PLA2G7: variants seen among roughly 807,000 people sequenced by gnomAD.
The protein encoded by PLA2G7 is phospholipase A2 group VII.
PLA2G7 carries 63 observed loss-of-function variants against 49.6 expected under a neutral mutation model. That is an observed-to-expected ratio of 1.27 (90% CI 1.04 to 1.57). PLA2G7 has a LOEUF of 1.57. Among genes scored for constraint, PLA2G7 ranks in the 40% most tolerant of loss-of-function variants. The pLI is 0.00. For synonymous variants in PLA2G7, 193 were observed against 169.9 expected (o/e 1.14, Z -1.06); for missense variants, 596 against 521.2 (o/e 1.14, Z -1.40).
At chr6:46,714,681 G>T (rs1396246091) in intron 4 of PLA2G7, 128 bp from the exon 5 acceptor site, 1 of 684,080 alleles carries the variant, frequency 1.5e-6, no homozygotes, top group Non-Finnish European at 2.7e-6. Flanking sequence ...ATGAATAGTA[G>T]ATTCATTAAA....
chr6:46,722,239 T>TGG, intron 2 of PLA2G7, among the ~76,000 whole-genome samples: 1 of 152,330 alleles, frequency 6.6e-6, no homozygotes, highest in Admixed American at 6.5e-5. Flanking sequence ...TGGAACTCCC[T>TGG]AGCACCTACT....
intron 1 of PLA2G7, among the ~76,000 whole-genome samples, chr6:46,727,647 G>A (rs1765613544): frequency 1.3e-5 from 2 of 152,132 alleles, no homozygotes; most frequent in South Asian, 2.1e-4. Context: ...CTTAAAATAG[G>A]GAGATTATCA....
intron 1 of PLA2G7, among the ~76,000 whole-genome samples, chr6:46,732,830 C>A (rs1458698493): frequency 2.6e-5 from 4 of 152,150 alleles, no homozygotes; most frequent in Non-Finnish European, 2.9e-5. Context: ...AGTAAGAACC[C>A]AGAATCATAT....
At chr6:46,732,282 T>A (rs1237910238) in intron 1 of PLA2G7, among the ~76,000 whole-genome samples, 1 of 151,884 alleles carries the variant, frequency 6.6e-6, no homozygotes. Context: ...TTCCTGAGGT[T>A]TCATCTCCAG....
At chr6:46,731,506 G>A (rs1765734179) in intron 1 of PLA2G7, among the ~76,000 whole-genome samples, 2 of 151,910 alleles carry the variant, frequency 1.3e-5, no homozygotes, top group African/African-American at 4.8e-5. Context: ...TTCAACTTTT[G>A]AAATTAAGCC....
At chr6:46,705,626 G>A (rs934346068) in intron 10 of PLA2G7, among the ~76,000 whole-genome samples, 5 of 152,184 alleles carry the variant, frequency 3.3e-5, no homozygotes, top group African/African-American at 1.2e-4. Flanking sequence ...GTTCTGTATT[G>A]AAGGGTCCCT....
chr6:46,705,910 C>A (rs1764807288), intron 10 of PLA2G7, among the ~76,000 whole-genome samples: 1 of 152,156 alleles, frequency 6.6e-6, no homozygotes, highest in Non-Finnish European at 1.5e-5. Context: ...GGCCTTCTTG[C>A]ACTTTTTTTC....
chr6:46,709,523 T>C (rs1036509426), intron 8 of PLA2G7, 105 bp from the exon 9 acceptor site: 8 of 723,918 alleles, frequency 1.1e-5, no homozygotes, highest in South Asian at 1.5e-5. Flanking sequence ...GTTAAATACA[T>C]TGATTTCTTA....
rs1764708087 is a variant in PLA2G7, at chr6:46,704,293, T to C, written c.*267A>G. The C allele has an allele frequency of 5.7e-6, 2 of 353,566 alleles. No individual in the cohort carries two copies. The highest frequency in any genetic ancestry group is 8.1e-5 in the South Asian group (2 of 24,680). The allele number at this position is 353,566 out of a possible 1,614,324, so 21.9% of individuals were successfully genotyped here. ...TTCGACACTGAAAAGGAATCATCTT[T>C]AAAATTAAAATTTAGGCTGATATGA... On this transcript the variant is annotated 3_prime_UTR_variant, in exon 12 of 12. Coordinates refer to ENST00000274793, the MANE Select transcript of PLA2G7 (RefSeq NM_005084.4).
intron 1 of PLA2G7, among the ~76,000 whole-genome samples, chr6:46,731,868 C>T (rs1436705820): frequency 6.6e-6 from 1 of 152,052 alleles, no homozygotes; most frequent in Non-Finnish European, 1.5e-5. Flanking sequence ...ATTAACTTCC[C>T]ACTGTAACTC....
intron 1 of PLA2G7, among the ~76,000 whole-genome samples, chr6:46,723,272 T>C (rs992269615): frequency 6.6e-6 from 1 of 152,230 alleles, no homozygotes; most frequent in African/African-American, 2.4e-5. Context: ...GTCATCATCA[T>C]AATAATATCC....
At chr6:46,731,829 T>C (rs1170111440) in intron 1 of PLA2G7, among the ~76,000 whole-genome samples, 1 of 152,180 alleles carries the variant, frequency 6.6e-6, no homozygotes, top group Non-Finnish European at 1.5e-5. Context: ...ATTCCCATTT[T>C]GTAGATGGGA....
chr6:46,706,929 A>G (rs908227585), intron 10 of PLA2G7, among the ~76,000 whole-genome samples: 1 of 152,172 alleles, frequency 6.6e-6, no homozygotes, highest in African/African-American at 2.4e-5. Flanking sequence ...TTCTGTTGGA[A>G]GAGACCCCTC....
At chr6:46,728,340 G>C (rs896069708) in intron 1 of PLA2G7, among the ~76,000 whole-genome samples, 1 of 152,186 alleles carries the variant, frequency 6.6e-6, no homozygotes, top group Non-Finnish European at 1.5e-5. Flanking sequence ...CTAGTGAGTA[G>C]CAGTCAGGGA....
In PLA2G7 at chr6:46,728,272, T is replaced by A. The variant is rs45601535; in HGVS notation, c.-34-5347A>T. On this transcript the variant is annotated intron_variant, in intron 1 of 11. Coordinates refer to ENST00000274793, the MANE Select transcript of PLA2G7 (RefSeq NM_005084.4). ...CATTTTTGCCCCCCAAGAAGACACT[T>A]ATTAATGTCTGGAGATATTTTTGGT... Among the ~76,000 whole-genome samples, 729 of 152,306 alleles carry A rather than the reference T, an allele frequency of 4.8e-3. 3 individuals are homozygous for A. Among genetic ancestry groups the A allele is most frequent in the Non-Finnish European group, 7.1e-3 (482 of 68,018 alleles).
chr6:46,732,801 T>G (rs1243655863), intron 1 of PLA2G7, among the ~76,000 whole-genome samples: 2 of 152,216 alleles, frequency 1.3e-5, no homozygotes, highest in African/African-American at 2.4e-5. Flanking sequence ...AACAGGTGGC[T>G]GGCGTCATGA....
intron 1 of PLA2G7, among the ~76,000 whole-genome samples, chr6:46,734,415 TGAGAGAGAGAGAGA>T (rs70996386): frequency 0.016 from 891 of 54,198 alleles, 117 homozygotes; most frequent in South Asian, 0.034. Flanking sequence ...TGTGTGTGTG[TGAGAGAGAGAGAGA>T]GAGAGAGAGA....
intron 3 of PLA2G7, 24 bp from the exon 4 acceptor site, chr6:46,716,552 C>G: frequency 1.2e-6 from 2 of 1,611,616 alleles, no homozygotes; most frequent in Non-Finnish European, 1.7e-6. Context: ...AATTAATGCA[C>G]TTTTAGAGAA....
intron 2 of PLA2G7, among the ~76,000 whole-genome samples, chr6:46,717,709 CTTTTTCTTTT>C (rs1765263378): frequency 8.6e-6 from 1 of 116,202 alleles, no homozygotes; most frequent in Admixed American, 1.0e-4. Context: ...TTTCTTTTTT[CTTTTTCTTTT>C]TTTTTTTTTT....
Sources: gnomAD v4.1 joint callset for allele counts (sites outside exome capture counted in the v4.1 genomes callset) on GRCh38, gnomAD v4.1.1 for gene constraint, MANE v1.5 for transcripts, NCBI Gene and HGNC (gene_info 2026-07-23, HGNC 2026-07-21) for gene names.